The following SORCS3 variants were observed in gnomAD, a reference collection of about 807,000 sequenced individuals.
SORCS3 encodes the protein sortilin related VPS10 domain containing receptor 3.
In SORCS3, 57 loss-of-function variants were observed where a neutral mutation model predicts 146.3. The observed-to-expected ratio is 0.39, with a 90% CI of 0.31 to 0.49. The LOEUF is 0.49. Ranked by LOEUF, SORCS3 falls within the 20% of genes least tolerant of loss-of-function variation. SORCS3 has a pLI of 0.92. For missense variants in SORCS3, 1,341 were observed against 1,575.5 expected (o/e 0.85, Z 2.52); for synonymous variants, 653 against 618.5 (o/e 1.06, Z -0.83).
At chr10:104,711,178 A>G (rs2016411010) in intron 1 of SORCS3, among the ~76,000 whole-genome samples, 1 of 152,216 alleles carries the variant, frequency 6.6e-6, no homozygotes, top group Admixed American at 6.5e-5. Context: ...TGAATTAACT[A>G]ATTTAATCCT....
intron 18 of SORCS3, 46 bp downstream of exon 18, chr10:105,214,659 C>T: frequency 6.7e-7 from 1 of 1,487,752 alleles, no homozygotes; most frequent in East Asian, 2.3e-5. Flanking sequence ...CCAACCAGAC[C>T]ATTCCCAGAA....
At chr10:105,045,907 G>A (rs1418168490) in intron 5 of SORCS3, among the ~76,000 whole-genome samples, 3 of 152,106 alleles carry the variant, frequency 2.0e-5, no homozygotes, top group East Asian at 1.9e-4. Flanking sequence ...TGTGAATCTC[G>A]TGTACGGTAA....
intron 2 of SORCS3, among the ~76,000 whole-genome samples, chr10:104,885,982 C>T (rs1009645338): frequency 6.6e-6 from 1 of 152,118 alleles, no homozygotes; most frequent in African/African-American, 2.4e-5. Context: ...ATGGAAAATA[C>T]ATTTTATATA....
chr10:104,722,870 T>C (rs1055896873), intron 1 of SORCS3, among the ~76,000 whole-genome samples: 7 of 152,202 alleles, frequency 4.6e-5, no homozygotes, highest in Non-Finnish European at 1.0e-4. Context: ...CTTCTCTCTT[T>C]TCTTCTTTAT....
chr10:104,736,240 C>T (rs1273514579), intron 1 of SORCS3, among the ~76,000 whole-genome samples: 4 of 152,316 alleles, frequency 2.6e-5, no homozygotes, highest in South Asian at 2.1e-4. Flanking sequence ...GTTTGCCCTC[C>T]GTGAGACCCT....
At chr10:105,106,583 C>A (rs2055823403) in intron 7 of SORCS3, among the ~76,000 whole-genome samples, 1 of 152,144 alleles carries the variant, frequency 6.6e-6, no homozygotes. Context: ...GATGTCTTTG[C>A]ATATCAGGGG....
At chr10:105,043,014 T>C in intron 4 of SORCS3, 41 bp from the exon 5 acceptor site, 1 of 1,567,664 alleles carries the variant, frequency 6.4e-7, no homozygotes, top group Non-Finnish European at 8.8e-7. Context: ...TGCCCAGCAG[T>C]GGTTCCTTGA....
At chr10:104,718,751 A>G (rs950344252) in intron 1 of SORCS3, among the ~76,000 whole-genome samples, 3 of 152,228 alleles carry the variant, frequency 2.0e-5, no homozygotes, top group African/African-American at 7.2e-5. Context: ...TCTGAGGTCA[A>G]TGTGATGAAC....
intron 2 of SORCS3, among the ~76,000 whole-genome samples, chr10:104,851,195 A>G (rs1480762058): frequency 6.6e-6 from 1 of 152,206 alleles, no homozygotes; most frequent in Non-Finnish European, 1.5e-5. Context: ...TACAGATTTA[A>G]TATTTTCCTA....
chr10:104,754,326 C>T (rs2017022107), intron 1 of SORCS3, among the ~76,000 whole-genome samples: 1 of 152,150 alleles, frequency 6.6e-6, no homozygotes, highest in African/African-American at 2.4e-5. Context: ...TCAGACCCCA[C>T]GCAGGGCCTC....
At chr10:104,745,739 C>A (rs1299824305) in intron 1 of SORCS3, among the ~76,000 whole-genome samples, 1 of 152,084 alleles carries the variant, frequency 6.6e-6, no homozygotes, top group African/African-American at 2.4e-5. Context: ...CCCACTTGCC[C>A]CCTCATCCCA....
intron 2 of SORCS3, among the ~76,000 whole-genome samples, chr10:104,889,176 G>A (rs1247393753): frequency 6.8e-6 from 1 of 147,532 alleles, no homozygotes; most frequent in Non-Finnish European, 1.5e-5. Context: ...TAACTTATTT[G>A]TGTCTTTATA....
rs761407861 is a variant in SORCS3, at chr10:105,247,261, A to G, written c.3035A>G (p.Asp1012Gly). Residue 1012 changes from aspartate (D) to glycine (G), a missense_variant, in exon 22 of 27, where the codon GAT (aspartate) becomes GGT (glycine). Physicochemically the swap from Asp to Gly is moderately conservative, Grantham distance 94. Transcript: ENST00000369701. ...SQLLSFSPNL[D>G]YHNPDIPEWR... The stretch of plus-strand genomic sequence containing the variant: ...CTTTTATCATTCTCTCCTAATCTGG[A>G]TTACCACAATCCTGACATTCCTGAG... 6.2e-7 allele frequency: 1 copy of G among 1,612,410 alleles called. No homozygotes were observed. Among genetic ancestry groups the G allele is most frequent in the South Asian group, 1.1e-5 (1 of 90,962 alleles).
At chr10:104,922,290 T>C (rs1414514767) in intron 3 of SORCS3, among the ~76,000 whole-genome samples, 1 of 152,060 alleles carries the variant, frequency 6.6e-6, no homozygotes, top group Non-Finnish European at 1.5e-5. Flanking sequence ...GCCAAAAAGG[T>C]GGAAAGGTAA....
intron 4 of SORCS3, among the ~76,000 whole-genome samples, chr10:105,035,249 C>G (rs1043347259): frequency 3.3e-5 from 5 of 152,054 alleles, no homozygotes; most frequent in Non-Finnish European, 5.9e-5. Flanking sequence ...TTACAAAATA[C>G]CCATGGAATT....
chr10:105,230,592 A>G (rs1300289433), intron 20 of SORCS3, among the ~76,000 whole-genome samples: 3 of 152,184 alleles, frequency 2.0e-5, no homozygotes, highest in Non-Finnish European at 4.4e-5. Flanking sequence ...AGCAGCCCAC[A>G]GTAATGGCAG....
intron 5 of SORCS3, among the ~76,000 whole-genome samples, chr10:105,064,577 G>A (rs1382052041): frequency 6.6e-6 from 1 of 152,166 alleles, no homozygotes; most frequent in African/African-American, 2.4e-5. Flanking sequence ...GTCTGAGGCC[G>A]AAGGCTTGAG....
At chr10:104,820,608 G>A (rs780873496) in intron 1 of SORCS3, among the ~76,000 whole-genome samples, 1 of 152,064 alleles carries the variant, frequency 6.6e-6, no homozygotes, top group Non-Finnish European at 1.5e-5. Flanking sequence ...GCAGCCCTGT[G>A]TTCTGTTTGG....
chr10:105,022,565 C>A (rs1017071009), intron 4 of SORCS3, among the ~76,000 whole-genome samples: 4 of 151,994 alleles, frequency 2.6e-5, no homozygotes, highest in Admixed American at 6.6e-5. Context: ...TTTCTATGAG[C>A]CTAAAATGTC....
Sources: allele counts gnomAD v4.1 joint callset (sites outside exome capture counted in the v4.1 genomes callset), GRCh38; gene constraint gnomAD v4.1.1; transcripts MANE v1.5; gene names NCBI Gene and HGNC (gene_info 2026-07-23, HGNC 2026-07-21).